The following NKX2-2 variants were observed in gnomAD, a reference collection of about 807,000 sequenced individuals.
NKX2-2 encodes homeobox protein Nkx-2.2.
In NKX2-2, 8 loss-of-function variants were observed where a neutral mutation model predicts 24.6. That is an observed-to-expected ratio of 0.32 (90% CI 0.19 to 0.59). The LOEUF (loss-of-function observed/expected upper bound fraction) is 0.59. Ranked by LOEUF, NKX2-2 falls within the 20% of genes least tolerant of loss-of-function variation. The probability of loss-of-function intolerance (pLI) is 0.86; values close to 1 mark genes in which losing one functional copy is unlikely to be tolerated. For missense variants in NKX2-2, 381 were observed against 373.9 expected, an observed-to-expected ratio of 1.02 and a Z score of -0.16; for synonymous variants, 217 against 173.3, an observed-to-expected ratio of 1.25 and a Z score of -1.98.
the NKX2-2 span, among the ~76,000 whole-genome samples, chr20:21,522,316 G>A: frequency 5.3e-5 from 8 of 152,276 alleles, no homozygotes; most frequent in Admixed American, 5.2e-4. Context: ...CTCCGGCGCC[G>A]CTCGGCGGCG....
At chr20:21,517,492 T>A (rs916961974), upstream of NKX2-2, among the ~76,000 whole-genome samples, 9 of 152,180 alleles carry the variant, frequency 5.9e-5, no homozygotes, top group African/African-American at 2.2e-4. Context: ...TTCCAGAGCG[T>A]TAACATTTGC....
chr20:21,517,372 G>A (rs1038809984), upstream of NKX2-2, among the ~76,000 whole-genome samples: 1 of 152,164 alleles, frequency 6.6e-6, no homozygotes, highest in Non-Finnish European at 1.5e-5. Context: ...GAGAGCTTCG[G>A]CCTTGCCTCC....
chr20:21,512,051 T>G lies in NKX2-2; in HGVS notation c.694A>C (p.Ile232Leu). 6.2e-7 allele frequency: 1 copy of G among 1,613,748 alleles called. No homozygotes were observed. ...TGCGCGCTGTAGGCAGAAAAGGGAA[T>G]GCCCGCCTGGAAGGTGGCGGCTGCC... ...DLAAATFQAGIPFSAYSAQSL... is the reference protein window; with the variant it reads ...DLAAATFQAGLPFSAYSAQSL... Residue 232 changes from isoleucine to leucine, a missense_variant, in exon 2 of 2, where the codon ATT (isoleucine) becomes CTT (leucine). Physicochemically the swap from Ile to Leu is conservative, Grantham distance 5. Transcript: ENST00000377142.
upstream of NKX2-2, among the ~76,000 whole-genome samples, chr20:21,518,041 T>C (rs189572903): frequency 1.3e-5 from 2 of 152,220 alleles, no homozygotes; most frequent in East Asian, 1.9e-4. Flanking sequence ...GCGAGTTCAA[T>C]GTCCTCCGTT....
At chr20:21,516,836 G>T (rs561139841), upstream of NKX2-2, among the ~76,000 whole-genome samples, 18 of 152,246 alleles carry the variant, frequency 1.2e-4, no homozygotes, top group Non-Finnish European at 2.5e-4. Context: ...GGGAGTGCCC[G>T]CAGAGGCCTC....
Position 21,513,505 on chromosome 20 carries a change from C to T in NKX2-2, c.165G>A (p.Ala55=), listed in dbSNP as rs1980518134. The change falls in exon 1 of 2, where the codon GCG becomes GCA. Residue 55 remains alanine (A), a synonymous_variant. Coordinates refer to ENST00000377142, the MANE Select transcript of NKX2-2 (RefSeq NM_002509.4). The surrounding 1 kb of genome is among the most constrained non-coding windows in gnomAD (Gnocchi z 4.6). The part of the protein sequence containing the change: ...AGPLGQGALD[A]VQSLPLKNPF... The stretch of plus-strand genomic sequence containing the variant: ...GGTTCTTCAGGGGCAGGCTCTGCAC[C>T]GCGTCCAGGGCGCCCTGCCCCAGCG... The T allele has an allele frequency of 1.2e-6, 2 of 1,612,354 alleles. No homozygotes were observed. The highest frequency in any genetic ancestry group is 1.7e-5 in the Admixed American group (1 of 59,824).
At position 21,513,209 on chromosome 20, in the gene NKX2-2, C is replaced by A. The variant is rs897456576; in HGVS notation, c.259+202G>T. ...TCGCATTGAAAAAAATTTTGGAGAC[C>A]AAGTTCTTTCCCGGAACTAAGGAGG... On this transcript the variant is annotated intron_variant, in intron 1 of 1. Coordinates refer to ENST00000377142, the MANE Select transcript of NKX2-2 (RefSeq NM_002509.4). This position sits in a 1 kb window ranked among gnomAD's most constrained non-coding sequence, Gnocchi z 4.6. Among the ~76,000 whole-genome samples the A allele has an allele frequency of 6.6e-6, 1 of 152,198 alleles. No homozygotes were observed. Among genetic ancestry groups the A allele is most frequent in the African/African-American group, 2.4e-5 (1 of 41,456 alleles).
upstream of NKX2-2, among the ~76,000 whole-genome samples, chr20:21,515,225 G>A (rs2122547121): frequency 6.6e-6 from 1 of 152,026 alleles, no homozygotes; most frequent in Middle Eastern, 3.4e-3. Context: ...TCCAGCCTCT[G>A]GCTAGAGGTG....
At position 21,513,342 on chromosome 20, in the gene NKX2-2, G is replaced by A. The variant is rs925497502; in HGVS notation, c.259+69C>T. The stretch of plus-strand genomic sequence containing the variant: ...GGCCCCTTCCCCTTTCACTCCCAGC[G>A]TCCAACCCGGGCTGCGGCTGCAGGA... On this transcript the variant is annotated intron_variant, in intron 1 of 1. Transcript: ENST00000377142. The surrounding 1 kb of genome is among the most constrained non-coding windows in gnomAD (Gnocchi z 4.6). 1.6e-4 allele frequency: 228 copies of A among 1,466,004 alleles called. No homozygotes were observed. The African/African-American group carries it at 3.0e-3, about 19-fold the overall frequency. 90.8% of individuals were successfully genotyped at this position (1,466,004 alleles called of 1,614,324 possible).
upstream of NKX2-2, among the ~76,000 whole-genome samples, chr20:21,517,589 G>C (rs1353028609): frequency 2.0e-5 from 3 of 152,226 alleles, no homozygotes; most frequent in African/African-American, 7.2e-5. Flanking sequence ...TAAAATGCAA[G>C]TCCCCCAGGA....
rs1311580058 is a variant in NKX2-2 at position 21,513,169 on chromosome 20, T to C, written c.259+242A>G. Among the ~76,000 whole-genome samples, 2 of 152,148 alleles carry C rather than the reference T, an allele frequency of 1.3e-5. No individual in the cohort carries two copies. Among genetic ancestry groups the C allele is most frequent in the African/African-American group, 4.8e-5 (2 of 41,428 alleles). On this transcript the variant is annotated intron_variant, in intron 1 of 1. Transcript: ENST00000377142. The surrounding 1 kb of genome is among the most constrained non-coding windows in gnomAD (Gnocchi z 4.6). ...CTGGGAGGTATAGCCCTTCTCCCTC[T>C]TTCTCCTTAACTTCTCGCATTGAAA...
chr20:21,517,160 C>T (rs1980661014), upstream of NKX2-2, among the ~76,000 whole-genome samples: 2 of 152,170 alleles, frequency 1.3e-5, no homozygotes, highest in South Asian at 4.1e-4. Flanking sequence ...TGCGCCTGCC[C>T]CTTAGCCTCA....
chr20:21,516,448 C>G (rs1568639246), upstream of NKX2-2, among the ~76,000 whole-genome samples: 1 of 151,698 alleles, frequency 6.6e-6, no homozygotes, highest in Non-Finnish European at 1.5e-5. Context: ...CCCCCTCCTC[C>G]GCCCTTTCAC....
upstream of NKX2-2, among the ~76,000 whole-genome samples, chr20:21,514,964 C>T (rs1044838822): frequency 2.0e-5 from 3 of 152,124 alleles, no homozygotes; most frequent in Non-Finnish European, 4.4e-5. Context: ...CTCCGCCTCC[C>T]CCCACCTCCC....
rs553704906 is a variant in NKX2-2, at chr20:21,511,447, T to A, written c.*476A>T. On this transcript the variant is annotated 3_prime_UTR_variant, in exon 2 of 2. Coordinates refer to ENST00000377142, the MANE Select transcript of NKX2-2 (RefSeq NM_002509.4). ...TATTTAGCATTTTCTTATTTTTTTT[T>A]AAAAAAAGGAAGAAATTCTCTGTAT... is the stretch of plus-strand genomic sequence containing the variant. 1,351 of 152,852 alleles carry A rather than the reference T, an allele frequency of 8.8e-3. 10 individuals carry two copies. Among genetic ancestry groups the A allele is most frequent in the African/African-American group, 0.018 (741 of 41,472 alleles). 9.5% of individuals were successfully genotyped at this position (152,852 alleles called of 1,614,324 possible).
At chr20:21,515,837 C>A (rs1980622792), upstream of NKX2-2, among the ~76,000 whole-genome samples, 1 of 152,134 alleles carries the variant, frequency 6.6e-6, no homozygotes. Context: ...CCCCGGGTTG[C>A]CAGCGCTGGG....
chr20:21,520,302 C>T, the NKX2-2 span, among the ~76,000 whole-genome samples: 3 of 152,030 alleles, frequency 2.0e-5, no homozygotes, highest in African/African-American at 7.3e-5. Context: ...TCTAGGTGAG[C>T]TCCCTTCTCC....
In NKX2-2 at chr20:21,511,273, A is replaced by G. The variant is rs1980417091; in HGVS notation, c.*650T>C. 1 of 152,586 alleles carries G rather than the reference A, an allele frequency of 6.6e-6. No homozygotes were observed. Among genetic ancestry groups the G allele is most frequent in the African/African-American group, 2.4e-5 (1 of 41,454 alleles). 9.5% of individuals were successfully genotyped at this position (152,586 alleles called of 1,614,324 possible). A position where few individuals can be genotyped will look rare whatever the true frequency, so the allele number is the denominator to read the frequency against. On this transcript the variant is annotated 3_prime_UTR_variant, in exon 2 of 2. Coordinates refer to ENST00000377142, the MANE Select transcript of NKX2-2 (RefSeq NM_002509.4). ...CGCAAAAACAAAAACAAAACAAAAA[A>G]CAAACCCAAACAAGCCACAAAGAAA...
chr20:21,515,379 T>C (rs1464445130), upstream of NKX2-2, among the ~76,000 whole-genome samples: 1 of 152,040 alleles, frequency 6.6e-6, no homozygotes, highest in Non-Finnish European at 1.5e-5. Context: ...AGTTTTCTTC[T>C]CCCACGCGAG....
Sources: allele counts gnomAD v4.1 joint callset (sites outside exome capture counted in the v4.1 genomes callset), GRCh38; gene constraint gnomAD v4.1.1; non-coding constraint Gnocchi (gnomAD v3.1); transcripts MANE v1.5; gene names NCBI Gene and HGNC (gene_info 2026-07-23, HGNC 2026-07-21).